The following EBI3 variants were observed in gnomAD, a reference collection of about 807,000 sequenced individuals.
EBI3 encodes Epstein-Barr virus induced 3, also known as interleukin-27 subunit beta.
Under a neutral mutation model 21.3 loss-of-function variants are expected in EBI3, and 19 were observed. That is an observed-to-expected ratio of 0.89 (90% CI 0.62 to 1.31). The LOEUF is 1.31. Among genes scored for constraint, EBI3 ranks in the 50% most tolerant of loss-of-function variants. The probability of loss-of-function intolerance (pLI) is 0.00; values close to 1 mark genes in which losing one functional copy is unlikely to be tolerated. For missense variants in EBI3, 331 were observed against 314.0 expected (o/e 1.05, Z -0.41); for synonymous variants, 154 against 131.2 (o/e 1.17, Z -1.19).
At chr19:4,231,406 G>A in intron 2 of EBI3, 83 bp downstream of exon 2, 1 of 1,449,118 alleles carries the variant, frequency 6.9e-7, no homozygotes, top group South Asian at 1.5e-5. Flanking sequence ...CCTGGGGTCA[G>A]GAAAACTGGA....
chr19:4,232,973 G>A (rs571304710), intron 2 of EBI3, 156 bp from the exon 3 acceptor site: 3 of 807,536 alleles, frequency 3.7e-6, no homozygotes, highest in African/African-American at 3.6e-5. Context: ...CCCCCGGGGG[G>A]TGGCACGGCC....
chr19:4,233,106 T>C, intron 2 of EBI3, 23 bp from the exon 3 acceptor site: 1 of 1,548,764 alleles, frequency 6.5e-7, no homozygotes, highest in Non-Finnish European at 8.7e-7. Context: ...CCTGAGGCGC[T>C]CAGCGAGCCC....
intron 1 of EBI3, among the ~76,000 whole-genome samples, chr19:4,229,917 G>A (rs562892050): frequency 2.0e-5 from 3 of 152,070 alleles, no homozygotes; most frequent in African/African-American, 7.2e-5. Context: ...CATTCCTTTG[G>A]TTTCTTTTTG....
intron 3 of EBI3, 90 bp downstream of exon 3, chr19:4,233,397 C>T (rs1970809526): frequency 9.9e-6 from 14 of 1,414,288 alleles, no homozygotes; most frequent in East Asian, 2.5e-5. Flanking sequence ...TCCAGTCCTG[C>T]GGCTGCACCT....
At chr19:4,235,764 A>G (rs932151194) in intron 4 of EBI3, among the ~76,000 whole-genome samples, 1 of 152,074 alleles carries the variant, frequency 6.6e-6, no homozygotes, top group African/African-American at 2.4e-5. Flanking sequence ...TCCCATCTCT[A>G]CAAAAAATTT....
intron 4 of EBI3, 88 bp downstream of exon 4, chr19:4,234,912 G>A: frequency 6.5e-7 from 1 of 1,543,776 alleles, no homozygotes; most frequent in Non-Finnish European, 8.7e-7. Flanking sequence ...CTGGGCTCTT[G>A]CACATAGCTT....
intron 3 of EBI3, 147 bp from the exon 4 acceptor site, chr19:4,234,520 G>A (rs1052972568): frequency 3.1e-6 from 4 of 1,298,054 alleles, no homozygotes; most frequent in African/African-American, 1.5e-5. Context: ...CTGAGATCAC[G>A]CCGCTGTACT....
chr19:4,232,242 A>G (rs1046810858), intron 2 of EBI3, among the ~76,000 whole-genome samples: 11 of 85,230 alleles, frequency 1.3e-4, no homozygotes, highest in Admixed American at 5.0e-4. Flanking sequence ...AAAAAAAAAA[A>G]AAAGAAAAGA....
chr19:4,229,832 T>C (rs1423910322), intron 1 of EBI3, among the ~76,000 whole-genome samples: 1 of 152,212 alleles, frequency 6.6e-6, no homozygotes, highest in African/African-American at 2.4e-5. Flanking sequence ...TGATAGGGAC[T>C]GGCAGTCACA....
chr19:4,237,055 C>A lies in EBI3; in HGVS notation c.657C>A (p.Leu219=). Residue 219 remains leucine, a synonymous_variant, in exon 5 of 5, where the codon CTC becomes CTA. Coordinates refer to ENST00000221847, the MANE Select transcript of EBI3 (RefSeq NM_005755.3). Reference sequence around the variant, plus strand: ...ACGGGGAACTGAGTGACTGGAGTCTCCCCGCCACTGCCACAATGAGCCTGG... The same window carrying A: ...ACGGGGAACTGAGTGACTGGAGTCTACCCGCCACTGCCACAATGAGCCTGG... ...TDYGELSDWS[L]PATATMSLGK 1 of 1,561,854 alleles carries A rather than the reference C, an allele frequency of 6.4e-7. No homozygotes were observed. The highest frequency in any genetic ancestry group is 8.7e-7 in the Non-Finnish European group (1 of 1,150,908).
chr19:4,233,323 A>G lies in EBI3; in HGVS notation c.379+16A>G, dbSNP rs1343081709. ...GAGCACATCAGTGAGTGGGGGCGGC[A>G]GTGGGGGCGGGGGCGGGGCTGCCGT... On this transcript the variant is annotated intron_variant, in intron 3 of 4. Transcript: ENST00000221847. 9 of 529,162 alleles carry G rather than the reference A, an allele frequency of 1.7e-5. No individual in the cohort carries two copies. Among genetic ancestry groups the G allele is most frequent in the Admixed American group, 2.3e-5 (1 of 42,724 alleles). 32.8% of individuals were successfully genotyped at this position (529,162 alleles called of 1,614,324 possible).
intron 3 of EBI3, among the ~76,000 whole-genome samples, chr19:4,234,331 G>A (rs147703969): frequency 1.3e-5 from 2 of 152,298 alleles, no homozygotes; most frequent in East Asian, 3.9e-4. Flanking sequence ...TGGATTGTGA[G>A]TTCCATGAGG....
chr19:4,233,059 G>C (rs1391806201), intron 2 of EBI3, 70 bp from the exon 3 acceptor site: 3 of 1,417,432 alleles, frequency 2.1e-6, no homozygotes, highest in Admixed American at 2.9e-5. Context: ...TCCCGGGTCA[G>C]GCCCGGCAGT....
At chr19:4,233,048 G>A in intron 2 of EBI3, 81 bp from the exon 3 acceptor site, 1 of 1,393,930 alleles carries the variant, frequency 7.2e-7, no homozygotes. Context: ...TCTCCTTGGG[G>A]TCCCGGGTCA....
Position 4,233,308 on chromosome 19 carries a change from G to C in EBI3, c.379+1G>C. 1 of 1,583,992 alleles carries C rather than the reference G, an allele frequency of 6.3e-7. No individual in the cohort carries two copies. The highest frequency in any genetic ancestry group is 8.6e-7 in the Non-Finnish European group (1 of 1,165,508). On this transcript the variant is annotated splice_donor_variant, in intron 3 of 4. Transcript: ENST00000221847. LOFTEE classifies it high-confidence loss of function. ...GTGCCTTTCATAACAGAGCACATCAGTGAGTGGGGGCGGCAGTGGGGGCGG... is the reference window on the plus strand; with the variant it reads ...GTGCCTTTCATAACAGAGCACATCACTGAGTGGGGGCGGCAGTGGGGGCGG...
At chr19:4,230,884 A>G (rs2144674175) in intron 1 of EBI3, among the ~76,000 whole-genome samples, 1 of 152,192 alleles carries the variant, frequency 6.6e-6, no homozygotes, top group Admixed American at 6.5e-5. Flanking sequence ...CTTTAAAAAA[A>G]AAAAACAATT....
At chr19:4,232,769 A>G (rs201367472) in intron 2 of EBI3, among the ~76,000 whole-genome samples, 12 of 33,212 alleles carry the variant, frequency 3.6e-4, no homozygotes, top group African/African-American at 3.4e-3. Context: ...TGAATGAAGG[A>G]ATGAATTAAT....
chr19:4,233,477 G>A (rs556901564), intron 3 of EBI3, among the ~76,000 whole-genome samples, 170 bp downstream of exon 3: 1 of 151,310 alleles, frequency 6.6e-6, no homozygotes, highest in South Asian at 2.1e-4. Flanking sequence ...CCCCATCATT[G>A]ACAGCCCAGT....
chr19:4,233,165 C>T lies in EBI3; in HGVS notation c.237C>T (p.Cys79=), dbSNP rs1177749777. Residue 79 remains cysteine (C), a synonymous_variant, in exon 3 of 5, where the codon TGC becomes TGT. Coordinates refer to ENST00000221847, the MANE Select transcript of EBI3 (RefSeq NM_005755.3). The stretch of plus-strand genomic sequence containing the variant: ...CTGCCCGGGGCCACAGCTGGCCCTG[C>T]CTGCAGCAGACGCCAACGTCCACCA... The part of the protein sequence containing the change: ...GMAARGHSWP[C]LQQTPTSTSC... 1.9e-6 allele frequency: 3 copies of T among 1,606,068 alleles called. No individual in the cohort carries two copies. Among genetic ancestry groups the T allele is most frequent in the Non-Finnish European group, 2.5e-6 (3 of 1,179,312 alleles).
Sources: allele counts gnomAD v4.1 joint callset (sites outside exome capture counted in the v4.1 genomes callset), GRCh38; gene constraint gnomAD v4.1.1; transcripts MANE v1.5; gene names NCBI Gene and HGNC (gene_info 2026-07-23, HGNC 2026-07-21).